Variants in IFT80 observed in about 807,000 individuals in gnomAD.
The protein encoded by IFT80 is intraflagellar transport protein 80 homolog.
In IFT80, 79 loss-of-function variants were observed where a neutral mutation model predicts 107.9. The ratio of observed to expected loss-of-function variants is 0.73; its 90% CI spans 0.61 to 0.88. The LOEUF is 0.88. Ranked by LOEUF, IFT80 falls within the 40% of genes least tolerant of loss-of-function variation. IFT80 has a pLI of 0.00. For synonymous variants in IFT80, 299 were observed against 300.9 expected, an observed-to-expected ratio of 0.99 and a Z score of 0.07; for missense variants, 797 against 914.2, an observed-to-expected ratio of 0.87 and a Z score of 1.65.
intron 13 of IFT80, among the ~76,000 whole-genome samples, chr3:160,284,508 C>T (rs978720175): frequency 2.6e-5 from 4 of 152,184 alleles, no homozygotes; most frequent in Non-Finnish European, 4.4e-5. Context: ...CTCATACACT[C>T]TCTTTGGAAG....
At position 160,340,478 on chromosome 3, in the gene IFT80, A is replaced by G. The variant is rs544922937; in HGVS notation, c.777+15535T>C. On this transcript the variant is annotated intron_variant, in intron 8 of 19. Transcript: ENST00000326448. ...TAACAAGGCTGCATTCCTTTCTGGA[A>G]GCTCCGGGAGAAGGACCATTTCCTT... is the stretch of plus-strand genomic sequence containing the variant. Among the ~76,000 whole-genome samples the G allele has an allele frequency of 1.2e-4, 18 of 152,312 alleles. No homozygotes were observed. In the South Asian group the frequency reaches 3.5e-3, roughly 30 times the overall value.
chr3:160,324,395 A>G (rs917808593), intron 8 of IFT80, among the ~76,000 whole-genome samples: 1 of 152,176 alleles, frequency 6.6e-6, no homozygotes, highest in African/African-American at 2.4e-5. Flanking sequence ...ATACTGGCAA[A>G]ACGAATCCAG....
At chr3:160,312,574 T>C (rs1717356358) in intron 9 of IFT80, among the ~76,000 whole-genome samples, 1 of 103,722 alleles carries the variant, frequency 9.6e-6, no homozygotes. Context: ...ATGAGTCTTA[T>C]ATATATATAA....
At position 160,344,242 on chromosome 3, in the gene IFT80, T is replaced by C. The variant is rs193035512; in HGVS notation, c.777+11771A>G. Among the ~76,000 whole-genome samples, 351 of 152,318 alleles carry C rather than the reference T, an allele frequency of 2.3e-3. 4 individuals carry two copies. The highest frequency in any genetic ancestry group is 0.019 in the Admixed American group (291 of 15,288). ...ATTCCAGAATTTCTATTACATTCCTTTTGTATAATTTCTATCCTTTTACTG... is the reference window on the plus strand; with the variant it reads ...ATTCCAGAATTTCTATTACATTCCTCTTGTATAATTTCTATCCTTTTACTG... On this transcript the variant is annotated intron_variant, in intron 8 of 19. Coordinates refer to ENST00000326448, the MANE Select transcript of IFT80 (RefSeq NM_020800.3).
chr3:160,298,284 A>T (rs1716144978), intron 12 of IFT80, among the ~76,000 whole-genome samples: 1 of 152,148 alleles, frequency 6.6e-6, no homozygotes, highest in African/African-American at 2.4e-5. Flanking sequence ...TATTGTTAGC[A>T]TTTACCTCTA....
At chr3:160,391,657 A>G (rs959086477) in intron 1 of IFT80, 1 of 152,090 alleles carries the variant, frequency 6.6e-6, no homozygotes, top group Non-Finnish European at 1.5e-5. Flanking sequence ...GGCAACAAAG[A>G]GAGACTCTGT....
intron 1 of IFT80, among the ~76,000 whole-genome samples, chr3:160,395,211 A>C (rs1713683533): frequency 6.6e-6 from 1 of 152,212 alleles, no homozygotes; most frequent in South Asian, 2.1e-4. Flanking sequence ...CTTCTTATTA[A>C]AACTCTCACC....
intron 8 of IFT80, among the ~76,000 whole-genome samples, chr3:160,348,341 A>G (rs907303832): frequency 3.9e-5 from 6 of 152,226 alleles, no homozygotes; most frequent in African/African-American, 1.2e-4. Flanking sequence ...TGATTTTTAC[A>G]AACTCATGTT....
intron 2 of IFT80, 58 bp from the exon 3 acceptor site, chr3:160,381,782 T>C (rs1712539285): frequency 7.6e-7 from 1 of 1,320,680 alleles, no homozygotes; most frequent in African/African-American, 1.4e-5. Flanking sequence ...TAATGAATAA[T>C]TCACAGATGC....
Position 160,292,645 on chromosome 3 carries a change from A to AATTTTTAC in IFT80, c.1316-6785_1316-6778dup, listed in dbSNP as rs1715660555. ...CAGGTGCACACCACCACGGCCAGCT[A>AATTTTTAC]ATTTTTACATTTTTAGTAGAGACGG... is the stretch of plus-strand genomic sequence containing the variant. On this transcript the variant is annotated intron_variant, in intron 12 of 19. Coordinates refer to ENST00000326448, the MANE Select transcript of IFT80 (RefSeq NM_020800.3). Among the ~76,000 whole-genome samples the AATTTTTAC allele has an allele frequency of 2.6e-5, 4 of 152,070 alleles. No individual in the cohort carries two copies. In the South Asian group the frequency reaches 8.3e-4, roughly 32 times the overall value.
intron 2 of IFT80, chr3:160,383,913 C>G: frequency 6.1e-6 from 6 of 985,418 alleles, no homozygotes; most frequent in Non-Finnish European, 7.2e-6. Context: ...TGAATACATG[C>G]TAGATCACAC....
At chr3:160,322,396 T>C (rs1045217055) in intron 8 of IFT80, among the ~76,000 whole-genome samples, 10 of 152,070 alleles carry the variant, frequency 6.6e-5, no homozygotes, top group Admixed American at 2.6e-4. Context: ...TAGTATTCCA[T>C]GGTGTATATG....
intron 6 of IFT80, among the ~76,000 whole-genome samples, chr3:160,362,045 A>T (rs1035173769): frequency 6.6e-6 from 1 of 152,238 alleles, no homozygotes; most frequent in East Asian, 1.9e-4. Flanking sequence ...ACTGAAGGAG[A>T]TAGAGACACA....
chr3:160,303,983 C>T lies in IFT80; in HGVS notation c.1083G>A (p.Lys361=), dbSNP rs1444376671. ...TSLQCYVFST[K]NWNTPIIFDL... is the part of the protein sequence containing the mutation. ...CAAATATAATTGGTGTGTTCCAGTTCTTCGTGCTAAAAGACAAGTAAAATG... is the reference window on the plus strand; with the variant it reads ...CAAATATAATTGGTGTGTTCCAGTTTTTCGTGCTAAAAGACAAGTAAAATG... Residue 361 remains lysine, a synonymous_variant, in exon 11 of 20, where the codon AAG becomes AAA. Transcript: ENST00000326448. 6.2e-7 allele frequency: 1 copy of T among 1,606,828 alleles called. No individual in the cohort carries two copies. The highest frequency in any genetic ancestry group is 1.1e-5 in the South Asian group (1 of 90,868).
At chr3:160,302,725 C>T (rs1022249757) in intron 11 of IFT80, among the ~76,000 whole-genome samples, 2 of 151,940 alleles carry the variant, frequency 1.3e-5, no homozygotes, top group Admixed American at 6.6e-5. Flanking sequence ...TGATATCTTA[C>T]CTTTTAAATG....
rs757507718 is a variant in IFT80 at position 160,285,842 on chromosome 3, C to T, written c.1342G>A (p.Gly448Arg). The T allele has an allele frequency of 9.3e-6, 15 of 1,607,314 alleles. No homozygotes were observed. Among genetic ancestry groups the T allele is most frequent in the East Asian group, 4.5e-5 (2 of 44,566 alleles). ...AACTTTCCATCACCTAACGGCTTTCCGGTTGATGCCTCAAAGAGGAAGATT... is the reference window on the plus strand; with the variant it reads ...AACTTTCCATCACCTAACGGCTTTCTGGTTGATGCCTCAAAGAGGAAGATT... The part of the protein sequence containing the change: ...KIIFLFEAST[G>R]KPLGDGKFLS... Residue 448 changes from glycine to arginine, a missense_variant, in exon 13 of 20, where the codon GGA becomes AGA. Coordinates refer to ENST00000326448, the MANE Select transcript of IFT80 (RefSeq NM_020800.3).
intron 8 of IFT80, among the ~76,000 whole-genome samples, chr3:160,327,981 C>T (rs56119270): frequency 0.12 from 18,837 of 152,010 alleles, 1,939 homozygotes; most frequent in African/African-American, 0.28. Flanking sequence ...GGAACTTAAA[C>T]AAATTTACAA....
chr3:160,341,631 A>C (rs1344119252), intron 8 of IFT80, among the ~76,000 whole-genome samples: 1 of 152,140 alleles, frequency 6.6e-6, no homozygotes, highest in Non-Finnish European at 1.5e-5. Context: ...TTCTTGTCTC[A>C]GCCTTACTGC....
intron 12 of IFT80, among the ~76,000 whole-genome samples, chr3:160,300,254 G>A (rs1221062748): frequency 6.6e-6 from 1 of 152,000 alleles, no homozygotes; most frequent in African/African-American, 2.4e-5. Flanking sequence ...TGAACTTCTA[G>A]ACAAGTAGTT....
Sources: gnomAD v4.1 joint callset for allele counts (sites outside exome capture counted in the v4.1 genomes callset) on GRCh38, gnomAD v4.1.1 for gene constraint, MANE v1.5 for transcripts, NCBI Gene and HGNC (gene_info 2026-07-23, HGNC 2026-07-21) for gene names.